ZNF805: variants seen among roughly 807,000 people sequenced by gnomAD.
ZNF805 encodes the protein zinc finger protein 805.
A neutral mutation model predicts 13.6 loss-of-function variants in ZNF805; 7 were observed. The ratio of observed to expected loss-of-function variants is 0.51; its 90% CI spans 0.29 to 0.97. The LOEUF (loss-of-function observed/expected upper bound fraction) is 0.97, where lower values mean the gene tolerates loss of function less well. Ranked by LOEUF, ZNF805 falls within the 50% of genes least tolerant of loss-of-function variation. The probability of loss-of-function intolerance (pLI) is 0.08; values close to 1 mark genes in which losing one functional copy is unlikely to be tolerated. For missense variants in ZNF805, 604 were observed against 771.0 expected, an observed-to-expected ratio of 0.78 and a Z score of 2.57; for synonymous variants, 293 against 279.8, an observed-to-expected ratio of 1.05 and a Z score of -0.47.
intron 1 of ZNF805, among the ~76,000 whole-genome samples, chr19:57,242,657 CA>C (rs2087586748): frequency 6.6e-6 from 1 of 152,164 alleles, no homozygotes; most frequent in Non-Finnish European, 1.5e-5. Context: ...CCCTGGGGTC[CA>C]GGGGAGAGGA....
At chr19:57,246,640 G>A (rs1485912048) in intron 2 of ZNF805, among the ~76,000 whole-genome samples, 1 of 152,044 alleles carries the variant, frequency 6.6e-6, no homozygotes, top group Non-Finnish European at 1.5e-5. Context: ...GCTGGGTGTG[G>A]TAGCGCATGC....
chr19:57,240,943 C>G (rs530689241), intron 1 of ZNF805, 22 bp downstream of exon 1: 1 of 1,557,972 alleles, frequency 6.4e-7, no homozygotes. Context: ...AGGTTTCGGC[C>G]TTGCTGCTTT....
At position 57,246,352 on chromosome 19, in the gene ZNF805, G is replaced by A. The variant is rs199663881; in HGVS notation, c.158-2253G>A. Among the ~76,000 whole-genome samples the A allele has an allele frequency of 1.1e-4, 16 of 152,164 alleles. No individual in the cohort carries two copies. The East Asian group carries it at 1.6e-3, about 15-fold the overall frequency. ...CCACGCCCAGCTAATTTTTGTATAC[G>A]TTGTTTTGATTTATTGCTACATTTT... On this transcript the variant is annotated intron_variant, in intron 2 of 3. Transcript: ENST00000414468.
chr19:57,250,918 G>A (rs904025339), intron 3 of ZNF805, among the ~76,000 whole-genome samples: 4 of 151,922 alleles, frequency 2.6e-5, no homozygotes, highest in Non-Finnish European at 4.4e-5. Context: ...CTTATATTCC[G>A]CTTGTTTTGT....
Position 57,253,954 on chromosome 19 carries a change from G to T in ZNF805, c.1135G>T (p.Ala379Ser). 6.2e-7 allele frequency: 1 copy of T among 1,614,030 alleles called. No individual in the cohort carries two copies. Residue 379 changes from alanine (A) to serine (S), a missense_variant, in exon 4 of 4, where the codon GCC becomes TCC. Ala to Ser is a moderately conservative substitution (Grantham distance 99). Transcript: ENST00000414468. This position sits in a 1 kb window ranked among gnomAD's most constrained non-coding sequence, Gnocchi z 4.4. ...KPYECSECGK[A>S]FCESAALIHH... ...CTATGAGTGCAGTGAATGTGGGAAG[G>T]CCTTCTGTGAGAGCGCAGCGCTGAT...
chr19:57,245,582 A>C (rs968561271), intron 2 of ZNF805, among the ~76,000 whole-genome samples: 56 of 149,386 alleles, frequency 3.7e-4, no homozygotes, highest in Admixed American at 3.4e-3. Flanking sequence ...GATAGAGACC[A>C]TCCTGGCTAA....
At chr19:57,250,892 G>A (rs1051513128) in intron 3 of ZNF805, among the ~76,000 whole-genome samples, 3 of 152,060 alleles carry the variant, frequency 2.0e-5, no homozygotes, top group Non-Finnish European at 4.4e-5. Flanking sequence ...ACGTTTTCAT[G>A]GACGTTTTTT....
At position 57,259,644 on chromosome 19, in the gene ZNF805, C is replaced by G. The variant is rs970831456; in HGVS notation, c.*4941C>G. 3.3e-5 allele frequency among the ~76,000 whole-genome samples: 5 copies of G among 152,032 alleles called. 1 individual carries two copies. The highest frequency in any genetic ancestry group is 9.7e-5 in the African/African-American group (4 of 41,392). ...GCCTCAGCCTCCCGAGTAGCTGGGACTACAGGTGCCCGCCACCATGCCCGG... is the reference window on the plus strand; with the variant it reads ...GCCTCAGCCTCCCGAGTAGCTGGGAGTACAGGTGCCCGCCACCATGCCCGG... On this transcript the variant is annotated 3_prime_UTR_variant, in exon 4 of 4. Transcript: ENST00000414468.
At chr19:57,243,450 C>A (rs1182131621) in intron 1 of ZNF805, among the ~76,000 whole-genome samples, 1 of 152,130 alleles carries the variant, frequency 6.6e-6, no homozygotes, top group African/African-American at 2.4e-5. Context: ...TAAATGAGGT[C>A]CCTGAGGTCA....
At chr19:57,246,576 G>A (rs556816216) in intron 2 of ZNF805, among the ~76,000 whole-genome samples, 2 of 152,122 alleles carry the variant, frequency 1.3e-5, no homozygotes, top group East Asian at 1.9e-4. Context: ...AGTTGATAGC[G>A]ACCATCCTGG....
In ZNF805 at chr19:57,253,956, C is replaced by T; in HGVS notation, c.1137C>T (p.Ala379=). ...KPYECSECGK[A]FCESAALIHH... is the part of the protein sequence containing the mutation. ...ATGAGTGCAGTGAATGTGGGAAGGCCTTCTGTGAGAGCGCAGCGCTGATTC... is the reference window on the plus strand; with the variant it reads ...ATGAGTGCAGTGAATGTGGGAAGGCTTTCTGTGAGAGCGCAGCGCTGATTC... Residue 379 remains alanine (A), a synonymous_variant, in exon 4 of 4, where the codon GCC becomes GCT. Transcript: ENST00000414468. The surrounding 1 kb of genome is among the most constrained non-coding windows in gnomAD (Gnocchi z 4.4). 6.2e-7 allele frequency: 1 copy of T among 1,614,048 alleles called. No homozygotes were observed. Among genetic ancestry groups the T allele is most frequent in the Non-Finnish European group, 8.5e-7 (1 of 1,180,010 alleles).
chr19:57,248,486 A>G, intron 2 of ZNF805, 119 bp from the exon 3 acceptor site: 1 of 913,526 alleles, frequency 1.1e-6, no homozygotes, highest in Non-Finnish European at 1.7e-6. Flanking sequence ...TTTTGTTCCC[A>G]TGGATGGGTG....
At position 57,254,886 on chromosome 19, in the gene ZNF805, A is replaced by G; in HGVS notation, c.*183A>G. ...TTTACAGTGCAATGTTATCTCAGGA[A>G]TTTTTATAAACAGAAAGAGGTGACA... On this transcript the variant is annotated 3_prime_UTR_variant, in exon 4 of 4. Transcript: ENST00000414468. 1.6e-6 allele frequency: 1 copy of G among 618,478 alleles called. No individual in the cohort carries two copies. The highest frequency in any genetic ancestry group is 2.5e-5 in the South Asian group (1 of 40,550). The allele number at this position is 618,478 out of a possible 1,614,324, so 38.3% of individuals were successfully genotyped here.
intron 3 of ZNF805, among the ~76,000 whole-genome samples, chr19:57,252,524 T>G (rs762526393): frequency 2.0e-5 from 3 of 152,078 alleles, no homozygotes; most frequent in Non-Finnish European, 4.4e-5. Context: ...CAGCATTGAG[T>G]GTAAAATATG....
chr19:57,257,566 T>TA lies in ZNF805; in HGVS notation c.*2864dup, dbSNP rs2122849477. Reference sequence around the variant, plus strand: ...TATCTGATATTTGTGTGGTCAGTCTTACGTTTTGGTTAATGCTTGCATGAT... The same window carrying TA: ...TATCTGATATTTGTGTGGTCAGTCTTAACGTTTTGGTTAATGCTTGCATGAT... On this transcript the variant is annotated 3_prime_UTR_variant, in exon 4 of 4. Coordinates refer to ENST00000414468, the MANE Select transcript of ZNF805 (RefSeq NM_001023563.4). Among the ~76,000 whole-genome samples, 1 of 152,316 alleles carries TA rather than the reference T, an allele frequency of 6.6e-6. No homozygotes were observed. Among genetic ancestry groups the TA allele is most frequent in the East Asian group, 1.9e-4 (1 of 5,194 alleles).
chr19:57,248,789 T>C, intron 3 of ZNF805, 89 bp downstream of exon 3: 2 of 1,187,938 alleles, frequency 1.7e-6, no homozygotes, highest in Non-Finnish European at 1.2e-6. Flanking sequence ...GGGAAGCTTC[T>C]CACTGTGGCT....
chr19:57,260,431 T>C lies in ZNF805; in HGVS notation c.*5728T>C, dbSNP rs1489709721. Among the ~76,000 whole-genome samples, 2 of 152,140 alleles carry C rather than the reference T, an allele frequency of 1.3e-5. No homozygotes were observed. The highest frequency in any genetic ancestry group is 2.9e-5 in the Non-Finnish European group (2 of 68,028). On this transcript the variant is annotated 3_prime_UTR_variant, in exon 4 of 4. Transcript: ENST00000414468. ...TACTCCCCAGATACTACTAAATGGC[T>C]TCCACCACCGTTGCCTGACTTAAGC...
In ZNF805 at chr19:57,257,214, A is replaced by G. The variant is rs2087692533; in HGVS notation, c.*2511A>G. On this transcript the variant is annotated 3_prime_UTR_variant, in exon 4 of 4. Transcript: ENST00000414468. The stretch of plus-strand genomic sequence containing the variant: ...TTGTTTTACATAGCTGCTTGAAAAG[A>G]ATGTGTGTTCTCGGTCATTTGGTGG... 6.6e-6 allele frequency among the ~76,000 whole-genome samples: 1 copy of G among 152,126 alleles called. No homozygotes were observed. The highest frequency in any genetic ancestry group is 1.5e-5 in the Non-Finnish European group (1 of 68,026).
chr19:57,248,385 A>G (rs1417484561), intron 2 of ZNF805, among the ~76,000 whole-genome samples: 1 of 152,214 alleles, frequency 6.6e-6, no homozygotes, highest in Non-Finnish European at 1.5e-5. Flanking sequence ...GTTATAGCCT[A>G]TAAATACTAG....
Sources: gnomAD v4.1 joint callset for allele counts (sites outside exome capture counted in the v4.1 genomes callset) on GRCh38, gnomAD v4.1.1 for gene constraint, Gnocchi (gnomAD v3.1) non-coding constraint, MANE v1.5 for transcripts, NCBI Gene and HGNC (gene_info 2026-07-23, HGNC 2026-07-21) for gene names.